Variants in ITGAL observed in about 807,000 individuals in gnomAD.
ITGAL encodes integrin subunit alpha L, also known as integrin alpha-L.
ITGAL carries 68 observed loss-of-function variants against 138.4 expected under a neutral mutation model. The observed-to-expected ratio is 0.49, with a 90% CI of 0.40 to 0.60. The LOEUF is 0.60. ITGAL is among the 20% of genes least tolerant of loss of function. The probability of loss-of-function intolerance (pLI) is 0.00; values close to 1 mark genes in which losing one functional copy is unlikely to be tolerated. For synonymous variants in ITGAL, 561 were observed against 584.3 expected (o/e 0.96, Z 0.57); for missense variants, 1,256 against 1,478.6 (o/e 0.85, Z 2.47).
intron 25 of ITGAL, among the ~76,000 whole-genome samples, chr16:30,514,477 A>G (rs1381914615): frequency 1.3e-5 from 2 of 151,966 alleles, no homozygotes; most frequent in African/African-American, 4.8e-5. Flanking sequence ...GGGTTTTACC[A>G]TGTTGGCCAG....
Position 30,493,322 on chromosome 16 carries a change from C to T in ITGAL, c.1214-890C>T, listed in dbSNP as rs140420993. ...TGAGACGGAGTCTCGCTCTGTCGCC[C>T]GGGCTGGAGTGTAGTAGCGAAATCT... On this transcript the variant is annotated intron_variant, in intron 11 of 30. Coordinates refer to ENST00000356798, the MANE Select transcript of ITGAL (RefSeq NM_002209.3). Among the ~76,000 whole-genome samples, 645 of 147,706 alleles carry T rather than the reference C, an allele frequency of 4.4e-3. 4 individuals are homozygous for T. The highest frequency in any genetic ancestry group is 0.016 in the African/African-American group (624 of 39,456).
chr16:30,506,206 G>C (rs1358953613), intron 20 of ITGAL, among the ~76,000 whole-genome samples: 3 of 147,452 alleles, frequency 2.0e-5, no homozygotes, highest in African/African-American at 7.6e-5. Context: ...GTTGCAGTAA[G>C]CCGAGACTGT....
intron 11 of ITGAL, among the ~76,000 whole-genome samples, chr16:30,490,227 TA>T (rs71149031): frequency 1.5e-3 from 197 of 129,542 alleles, no homozygotes; most frequent in African/African-American, 4.2e-3. Context: ...GACTCCGTCT[TA>T]AAAAAAAAAA....
chr16:30,491,065 G>GT (rs1567471280), intron 11 of ITGAL, among the ~76,000 whole-genome samples: 1 of 151,452 alleles, frequency 6.6e-6, no homozygotes, highest in Non-Finnish European at 1.5e-5. Flanking sequence ...AGCCTGGGAG[G>GT]TTAAGGTTGC....
intron 18 of ITGAL, 65 bp downstream of exon 18, chr16:30,504,329 G>T (rs536464514): frequency 1.6e-6 from 2 of 1,247,090 alleles, no homozygotes; most frequent in African/African-American, 1.5e-5. Flanking sequence ...AAGAAGAGCC[G>T]CCCATGGCCG....
rs2050966896 is a variant in ITGAL, at chr16:30,505,117, T to G, written c.2236-127T>G. 35 of 840,516 alleles carry G rather than the reference T, an allele frequency of 4.2e-5. 2 individuals are homozygous for G. The South Asian group carries it at 9.4e-4, about 23-fold the overall frequency. The allele number at this position is 840,516 out of a possible 1,614,324, so 52.1% of individuals were successfully genotyped here. ...GGGCAGCCCTGGAAAGGCAGCTGGC[T>G]CCTGGGCAGGGCCAACCACAGCCAG... On this transcript the variant is annotated intron_variant, in intron 18 of 30. Coordinates refer to ENST00000356798, the MANE Select transcript of ITGAL (RefSeq NM_002209.3).
At position 30,521,759 on chromosome 16, in the gene ITGAL, C is replaced by T. The variant is rs1450061160; in HGVS notation, c.*94C>T. On this transcript the variant is annotated 3_prime_UTR_variant, in exon 31 of 31. Transcript: ENST00000356798. ...CTGCATTCTGCCGTGTGCCCTCGGG[C>T]GAGTCACTGCCTCTCCCTGGCCCTC... The T allele has an allele frequency of 4.1e-6, 5 of 1,220,604 alleles. No homozygotes were observed. The Admixed American group carries it at 7.0e-5, about 17-fold the overall frequency. 75.6% of individuals were successfully genotyped at this position (1,220,604 alleles called of 1,614,324 possible). A position where few individuals can be genotyped will look rare whatever the true frequency, so the allele number is the denominator to read the frequency against.
chr16:30,504,264 G>T lies in ITGAL; in HGVS notation c.2235G>T (p.Ala745=). The part of the protein sequence containing the change: ...EEEGTPRDQR[A]QGKDIPPILR... ...AAGGGACACCGAGGGACCAAAGGGCGGTAAGAAGAGATGGCTAGGGATGGT... is the reference window on the plus strand; with the variant it reads ...AAGGGACACCGAGGGACCAAAGGGCTGTAAGAAGAGATGGCTAGGGATGGT... The change falls in exon 18 of 31, where the codon GCG becomes GCT. Residue 745 remains alanine (A), a splice_region_variant and synonymous_variant. Transcript: ENST00000356798. 6.2e-7 allele frequency: 1 copy of T among 1,607,712 alleles called. No homozygotes were observed. Among genetic ancestry groups the T allele is most frequent in the Non-Finnish European group, 8.5e-7 (1 of 1,174,272 alleles).
At chr16:30,499,021 G>C in intron 15 of ITGAL, 53 bp from the exon 16 acceptor site, 1 of 1,573,024 alleles carries the variant, frequency 6.4e-7, no homozygotes, top group Non-Finnish European at 8.7e-7. Context: ...ACATCTGAGG[G>C]GGGACGTGCA....
In ITGAL at chr16:30,505,279, C is replaced by T. The variant is rs1340868755; in HGVS notation, c.2271C>T (p.Ser757=). 3.7e-6 allele frequency: 6 copies of T among 1,612,312 alleles called. No individual in the cohort carries two copies. The highest frequency in any genetic ancestry group is 1.1e-5 in the South Asian group (1 of 90,980). The change falls in exon 19 of 31, where the codon TCC becomes TCT. Residue 757 remains serine, a synonymous_variant. Coordinates refer to ENST00000356798, the MANE Select transcript of ITGAL (RefSeq NM_002209.3). ...GKDIPPILRP[S]LHSETWEIPF... ...ACATACCGCCCATCCTGAGACCCTC[C>T]CTGCACTCGGAAACCTGGGAGGTAA...
At chr16:30,473,388 G>A (rs928633918) in intron 1 of ITGAL, among the ~76,000 whole-genome samples, 1 of 152,192 alleles carries the variant, frequency 6.6e-6, no homozygotes, top group Non-Finnish European at 1.5e-5. Context: ...AGCCAAGCTC[G>A]TGCCAATGCA....
Position 30,494,719 on chromosome 16 carries a change from T to C in ITGAL, c.1372T>C (p.Ser458Pro). Reference protein sequence around the residue: ...VQTIHGTQIGSYFGGELCGVD... With the variant: ...VQTIHGTQIGPYFGGELCGVD... ...CACCTGCCTCTCCCCACAGATTGGC[T>C]CTTATTTCGGTGGGGAGCTGTGTGG... Residue 458 changes from serine (S) to proline (P), a missense_variant, in exon 13 of 31, where the codon TCT becomes CCT. Ser to Pro is a moderately conservative substitution (Grantham distance 74). Around this residue, in one of 3 missense-constraint regions of ITGAL, gnomAD observed 867 missense variants for 972.5 expected, o/e 0.89. Coordinates refer to ENST00000356798, the MANE Select transcript of ITGAL (RefSeq NM_002209.3). The surrounding 1 kb of genome is among the most constrained non-coding windows in gnomAD (Gnocchi z 4.2). The C allele has an allele frequency of 6.2e-7, 1 of 1,608,312 alleles. No individual in the cohort carries two copies. Among genetic ancestry groups the C allele is most frequent in the Non-Finnish European group, 8.5e-7 (1 of 1,177,378 alleles).
intron 4 of ITGAL, 137 bp from the exon 5 acceptor site, chr16:30,478,954 C>G (rs2050513794): frequency 2.9e-6 from 2 of 697,382 alleles, no homozygotes; most frequent in Admixed American, 2.3e-5. Context: ...GGCGGACATT[C>G]CTTGCCTTGG....
chr16:30,483,724 C>A, intron 7 of ITGAL, 103 bp from the exon 8 acceptor site: 2 of 1,307,292 alleles, frequency 1.5e-6, no homozygotes, highest in Non-Finnish European at 2.1e-6. Flanking sequence ...CCAGGAAGGG[C>A]TTTTGCGTAA....
chr16:30,518,585 C>A, intron 28 of ITGAL, 39 bp from the exon 29 acceptor site: 1 of 1,441,784 alleles, frequency 6.9e-7, no homozygotes, highest in Non-Finnish European at 9.8e-7. Flanking sequence ...GTTCTGTCCT[C>A]GTTCTCCCGG....
intron 28 of ITGAL, 62 bp downstream of exon 28, chr16:30,517,957 T>C: frequency 2.2e-6 from 3 of 1,364,526 alleles, no homozygotes; most frequent in South Asian, 2.3e-5. Context: ...GGGGCCGTTG[T>C]GGGTGGGCTC....
At position 30,495,406 on chromosome 16, in the gene ITGAL, G is replaced by A. The variant is rs137953683; in HGVS notation, c.1503+556G>A. On this transcript the variant is annotated intron_variant, in intron 13 of 30. Transcript: ENST00000356798. ...AATCCTGACCTCAGGTGATCCACCC[G>A]CCTCGGCCTCCCAAAATGCTGGGAT... is the stretch of plus-strand genomic sequence containing the variant. Among the ~76,000 whole-genome samples the A allele has an allele frequency of 7.7e-3, 1,165 of 152,104 alleles. 13 individuals are homozygous for A. The highest frequency in any genetic ancestry group is 0.026 in the African/African-American group (1,071 of 41,520).
intron 15 of ITGAL, among the ~76,000 whole-genome samples, chr16:30,496,808 A>ATTTT (rs11432747): frequency 7.3e-6 from 1 of 137,842 alleles, no homozygotes; most frequent in Non-Finnish European, 1.6e-5. Flanking sequence ...CACCTGGCTA[A>ATTTT]TTTTTTTTTT....
At chr16:30,517,148 A>AG in intron 26 of ITGAL, 62 bp downstream of exon 26, 2 of 1,101,442 alleles carry the variant, frequency 1.8e-6, no homozygotes, top group Non-Finnish European at 2.7e-6. Context: ...AGTGCATTTG[A>AG]GGGTACAGAG....
Sources: gnomAD v4.1 joint callset for allele counts (sites outside exome capture counted in the v4.1 genomes callset) on GRCh38, gnomAD v4.1.1 for gene constraint, gnomAD v4.1.1 regional missense constraint, Gnocchi (gnomAD v3.1) non-coding constraint, MANE v1.5 for transcripts, NCBI Gene and HGNC (gene_info 2026-07-23, HGNC 2026-07-21) for gene names.